LACTB2: variants seen among roughly 807,000 people sequenced by gnomAD.
LACTB2 encodes lactamase beta 2, also known as endoribonuclease LACTB2.
A neutral mutation model predicts 34.8 loss-of-function variants in LACTB2; 32 were observed. The ratio of observed to expected loss-of-function variants is 0.92; its 90% CI spans 0.69 to 1.24. LACTB2 has a LOEUF of 1.24. Among genes scored for constraint, LACTB2 ranks in the 50% most tolerant of loss-of-function variants. The pLI, the probability that LACTB2 is intolerant of heterozygous loss-of-function variation, is 0.00. For synonymous variants in LACTB2, 120 were observed against 117.5 expected, an observed-to-expected ratio of 1.02 and a Z score of -0.14; for missense variants, 320 against 345.0, an observed-to-expected ratio of 0.93 and a Z score of 0.57.
intron 3 of LACTB2, among the ~76,000 whole-genome samples, chr8:70,653,155 G>A (rs1818366402): frequency 6.6e-6 from 1 of 152,146 alleles, no homozygotes; most frequent in African/African-American, 2.4e-5. Flanking sequence ...CTGTCACCAG[G>A]CTGGAGTGTA....
chr8:70,662,842 C>T (rs1818496620), intron 1 of LACTB2: 1 of 152,170 alleles, frequency 6.6e-6, no homozygotes, highest in South Asian at 2.1e-4. Flanking sequence ...TATGTGCCAC[C>T]ATGCCCGGCT....
At chr8:70,665,711 C>CT (rs1227385763) in intron 1 of LACTB2, among the ~76,000 whole-genome samples, 1 of 152,190 alleles carries the variant, frequency 6.6e-6, no homozygotes, top group East Asian at 1.9e-4. Flanking sequence ...TTAGAACTGT[C>CT]TTGTCCAAAG....
At chr8:70,654,997 C>T (rs1818391982) in intron 3 of LACTB2, 1 of 152,250 alleles carries the variant, frequency 6.6e-6, no homozygotes, top group Admixed American at 6.5e-5. Context: ...GCAATATACA[C>T]TGTACCCTAT....
rs182696245 is a variant in LACTB2, at chr8:70,642,202, C to G, written c.593-1152G>C. Among the ~76,000 whole-genome samples, 182 of 152,326 alleles carry G rather than the reference C, an allele frequency of 1.2e-3. 2 individuals are homozygous for G. Among genetic ancestry groups the G allele is most frequent in the African/African-American group, 4.1e-3 (172 of 41,560 alleles). ...TGTGAATTCACTCAACGTCTGCCCT[C>G]TTCGCTTTAAAAATAGCTGTCTTTA... On this transcript the variant is annotated intron_variant, in intron 4 of 6. Coordinates refer to ENST00000276590, the MANE Select transcript of LACTB2 (RefSeq NM_016027.3).
chr8:70,667,716 G>C (rs1407715228), intron 1 of LACTB2, among the ~76,000 whole-genome samples: 1 of 152,132 alleles, frequency 6.6e-6, no homozygotes, highest in Non-Finnish European at 1.5e-5. Flanking sequence ...TTCTTCACCT[G>C]GTTTTCAAAC....
intron 1 of LACTB2, chr8:70,663,212 A>G (rs940610582): frequency 6.6e-6 from 1 of 152,266 alleles, no homozygotes; most frequent in Non-Finnish European, 1.5e-5. Context: ...GGGGAACTGC[A>G]TATGACTGGA....
chr8:70,640,966 G>A lies in LACTB2; in HGVS notation c.677C>T (p.Thr226Ile). ...TTTCTCAAAGTTCTCACGAAATAAT[G>A]TAAGAATTTGCTGCTCTCGAATATT... is the stretch of plus-strand genomic sequence containing the variant. ...HRNIREQQIL[T>I]LFRENFEKSF... Residue 226 changes from threonine (T) to isoleucine (I), a missense_variant, in exon 5 of 7, where the codon ACA becomes ATA. Physicochemically the swap from Thr to Ile is moderately conservative, Grantham distance 89 (BLOSUM62 -1). Coordinates refer to ENST00000276590, the MANE Select transcript of LACTB2 (RefSeq NM_016027.3). The A allele has an allele frequency of 6.2e-7, 1 of 1,609,272 alleles. No homozygotes were observed. Among genetic ancestry groups the A allele is most frequent in the Non-Finnish European group, 8.5e-7 (1 of 1,178,510 alleles).
At chr8:70,652,258 T>C (rs1288507311) in intron 3 of LACTB2, among the ~76,000 whole-genome samples, 12 of 152,228 alleles carry the variant, frequency 7.9e-5, no homozygotes, top group Admixed American at 7.9e-4. Context: ...TGCTGTTATT[T>C]ATATAGAGTT....
At chr8:70,667,462 T>C (rs961816566) in intron 1 of LACTB2, among the ~76,000 whole-genome samples, 20 of 152,248 alleles carry the variant, frequency 1.3e-4, no homozygotes, top group Admixed American at 2.0e-4. Flanking sequence ...ACGGACTCTC[T>C]AGTTCAACTA....
At chr8:70,653,528 TG>T (rs1818372377) in intron 3 of LACTB2, among the ~76,000 whole-genome samples, 1 of 152,256 alleles carries the variant, frequency 6.6e-6, no homozygotes. Flanking sequence ...CTTACTCATC[TG>T]TTTGTCTATT....
intron 1 of LACTB2, among the ~76,000 whole-genome samples, chr8:70,668,746 A>C: frequency 8.0e-6 from 1 of 125,244 alleles, no homozygotes. Flanking sequence ...TTCAAAACAG[A>C]AGTTTTTTTT....
chr8:70,646,850 T>C (rs1283551623), intron 3 of LACTB2: 1 of 152,250 alleles, frequency 6.6e-6, no homozygotes, highest in East Asian at 1.9e-4. Context: ...CTTTGAATTA[T>C]GTGTTATTCT....
chr8:70,638,649 G>A lies in LACTB2; in HGVS notation c.742-20C>T. 1.6e-6 allele frequency: 2 copies of A among 1,282,950 alleles called. No individual in the cohort carries two copies. Among genetic ancestry groups the A allele is most frequent in the Non-Finnish European group, 2.0e-6 (2 of 999,960 alleles). 79.5% of individuals were successfully genotyped at this position (1,282,950 alleles called of 1,614,324 possible). ...AGTATTCTAAAAGAAAAATGAAGGT[G>A]AAAAAAATTCCTTTTTTTTTAAAAA... is the stretch of plus-strand genomic sequence containing the variant. On this transcript the variant is annotated intron_variant, in intron 5 of 6. Transcript: ENST00000276590.
intron 3 of LACTB2, among the ~76,000 whole-genome samples, chr8:70,652,971 T>C (rs2132075387): frequency 6.6e-6 from 1 of 152,306 alleles, no homozygotes; most frequent in East Asian, 1.9e-4. Context: ...TCTACCCCTT[T>C]CATTAACTTG....
At chr8:70,668,347 C>A (rs1818564800) in intron 1 of LACTB2, among the ~76,000 whole-genome samples, 1 of 152,204 alleles carries the variant, frequency 6.6e-6, no homozygotes, top group African/African-American at 2.4e-5. Flanking sequence ...CATAATTCCA[C>A]TAAAACAGAA....
chr8:70,645,077 C>T (rs1374649446), intron 3 of LACTB2, among the ~76,000 whole-genome samples: 1 of 151,716 alleles, frequency 6.6e-6, no homozygotes, highest in Admixed American at 6.6e-5. Context: ...CACACACACA[C>T]ATATACACAT....
chr8:70,644,390 T>A, intron 3 of LACTB2, 147 bp from the exon 4 acceptor site: 1 of 495,074 alleles, frequency 2.0e-6, no homozygotes, highest in Non-Finnish European at 3.4e-6. Flanking sequence ...TTGAACCCAC[T>A]GAAAATTATC....
Position 70,637,816 on chromosome 8 carries a change from A to G in LACTB2, c.*44T>C. The G allele has an allele frequency of 7.9e-7, 1 of 1,271,118 alleles. No homozygotes were observed. Among genetic ancestry groups the G allele is most frequent in the Non-Finnish European group, 1.1e-6 (1 of 904,804 alleles). 78.7% of individuals were successfully genotyped at this position (1,271,118 alleles called of 1,614,324 possible). ...TAACCTATAGTTAAGAAAACATACCATTCTCTGAAAGCAAAATAAAACAAA... is the reference window on the plus strand; with the variant it reads ...TAACCTATAGTTAAGAAAACATACCGTTCTCTGAAAGCAAAATAAAACAAA... On this transcript the variant is annotated 3_prime_UTR_variant, in exon 7 of 7. Coordinates refer to ENST00000276590, the MANE Select transcript of LACTB2 (RefSeq NM_016027.3).
chr8:70,637,972 C>T (rs752382658), intron 6 of LACTB2, 69 bp from the exon 7 acceptor site: 29 of 839,722 alleles, frequency 3.5e-5, no homozygotes, highest in Non-Finnish European at 1.3e-5. Flanking sequence ...TTTAAGTTAC[C>T]TTGTGGCTAG....
Sources: gnomAD v4.1 joint callset for allele counts (sites outside exome capture counted in the v4.1 genomes callset) on GRCh38, gnomAD v4.1.1 for gene constraint, MANE v1.5 for transcripts, NCBI Gene and HGNC (gene_info 2026-07-23, HGNC 2026-07-21) for gene names.